HELZ2: variants seen among roughly 807,000 people sequenced by gnomAD.
The protein encoded by HELZ2 is 3'-5' exoribonuclease HELZ2.
A neutral mutation model predicts 208.8 loss-of-function variants in HELZ2; 143 were observed. The observed-to-expected ratio is 0.68, with a 90% confidence interval of 0.60 to 0.79. HELZ2 has a LOEUF of 0.79. HELZ2 is among the 30% of genes least tolerant of loss of function. HELZ2 has a pLI of 0.00. For missense variants in HELZ2, 3,690 were observed against 3,794.5 expected (o/e 0.97, Z 0.72); for synonymous variants, 1,705 against 1,693.7 (o/e 1.01, Z -0.16).
exon 8 of HELZ2, chr20:63,562,713 G>T: frequency 1.2e-6 from 2 of 1,601,160 alleles, no homozygotes; most frequent in Non-Finnish European, 8.5e-7. Flanking sequence ...TACGTGCCGG[G>T]GTCAACATTC....
rs759835133 is a variant in HELZ2, at chr20:63,565,094, C to A, written c.3728G>T (p.Arg1243Leu). 7 of 1,563,602 alleles carry A rather than the reference C, an allele frequency of 4.5e-6. No homozygotes were observed. In the African/African-American group the frequency reaches 8.1e-5, roughly 18 times the overall value. ...CCCCACACGCTGCAGCCGGCCCTTC[C>A]GGAGGCTGTAGATGGGGACCTGCGA... The change falls in exon 8 of 19, where the codon CGG (arginine) becomes CTG (leucine). Residue 1243 changes from arginine to leucine, a missense_variant. By Grantham distance (102) the Arg-to-Leu change is moderately radical. Transcript: ENST00000467148.
chr20:63,571,101 AG>A, intron 1 of HELZ2: 1 of 492,076 alleles, frequency 2.0e-6, no homozygotes, highest in Non-Finnish European at 3.6e-6. Flanking sequence ...GGTGGCAGGG[AG>A]GCCCCCGTCC....
At chr20:63,560,019 C>G in exon 18 of HELZ2, 2 of 1,612,150 alleles carry the variant, frequency 1.2e-6, no homozygotes, top group Non-Finnish European at 1.7e-6. Flanking sequence ...TGAGCCAGCT[C>G]TTGGTGGGCC....
At chr20:63,560,883 T>C in exon 15 of HELZ2, 1 of 1,613,204 alleles carries the variant, frequency 6.2e-7, no homozygotes. Context: ...CAGCCGCTCA[T>C]TCTTGACCAC....
exon 8 of HELZ2, chr20:63,563,479 G>A (rs1407912073): frequency 2.6e-6 from 4 of 1,516,224 alleles, no homozygotes; most frequent in Admixed American, 4.1e-5. Context: ...GGGCGTGGGG[G>A]TGCTCGGCCA....
rs1165675160 is a variant in HELZ2, at chr20:63,563,448, G to A, written c.5374C>T (p.Arg1792Trp). 7.2e-6 allele frequency: 11 copies of A among 1,527,382 alleles called. No individual in the cohort carries two copies. The highest frequency in any genetic ancestry group is 4.9e-5 in the East Asian group (2 of 40,812). The allele number at this position is 1,527,382 out of a possible 1,614,324, so 94.6% of individuals were successfully genotyped here. Residue 1792 changes from arginine (R) to tryptophan (W), a missense_variant, in exon 8 of 19, where the codon CGG becomes TGG. Physicochemically the swap from Arg to Trp is moderately radical, Grantham distance 101 (BLOSUM62 -3). Transcript: ENST00000467148. ...TAGACACGGCGCCGCCACAGGAGCC[G>A]CAGGCCCGGCCGGCCTGCCAGGGCG...
Position 63,563,129 on chromosome 20 carries a change from G to C in HELZ2, c.5693C>G (p.Pro1898Arg), listed in dbSNP as rs772767786. Residue 1898 changes from proline (P) to arginine (R), a missense_variant, in exon 8 of 19, where the codon CCG becomes CGG. Physicochemically the swap from Pro to Arg is moderately radical, Grantham distance 103 (BLOSUM62 -2). This residue lies in a region of HELZ2 where 2,564 missense variants were observed against 2,580.5 expected (regional missense o/e 0.99). Coordinates refer to ENST00000467148, the Ensembl canonical transcript of HELZ2. ...TGCCACCGTCCAGAGCTGAGGGCTC[G>C]GTACCAGGAAGCCGTGCTGCAGGCT... is the stretch of plus-strand genomic sequence containing the variant. The C allele has an allele frequency of 6.9e-6, 11 of 1,596,112 alleles. No individual in the cohort carries two copies. In the Admixed American group the frequency reaches 1.6e-4, roughly 23 times the overall value.
At chr20:63,572,548 G>A (rs1270354153), upstream of HELZ2, 3 of 729,866 alleles carry the variant, frequency 4.1e-6, no homozygotes, top group South Asian at 1.9e-5. Flanking sequence ...CGTGGGCCAG[G>A]AGGGAGGGGC....
intron 6 of HELZ2, 96 bp from the exon 8 acceptor site, chr20:63,566,549 AGCGCAGG>A (rs2082960015): frequency 2.6e-6 from 2 of 775,398 alleles, no homozygotes; most frequent in African/African-American, 3.7e-5. Flanking sequence ...CTCGGGGATG[AGCGCAGG>A]ACGCAGTGAG....
chr20:63,568,061 T>C (rs1403726878), intron 5 of HELZ2: 1 of 543,218 alleles, frequency 1.8e-6, no homozygotes, highest in Non-Finnish European at 3.2e-6. Flanking sequence ...TGTGTTTCTA[T>C]AAAAACGAAA....
exon 4 of HELZ2, chr20:63,569,296 G>A (rs1224756294): frequency 1.3e-6 from 2 of 1,575,496 alleles, no homozygotes; most frequent in African/African-American, 1.4e-5. Context: ...TTGGCCATCA[G>A]GGCCGTCTGC....
Position 63,569,101 on chromosome 20 carries a change from C to T in HELZ2, c.1088+47G>A, listed in dbSNP as rs766644460. On this transcript the variant is annotated intron_variant, in intron 4 of 18. Coordinates refer to ENST00000467148, the Ensembl canonical transcript of HELZ2. Reference sequence around the variant, plus strand: ...CCGTTGCCCCAGCCGCTCCCATTGCCCCAGCTGCTCCTGCTACCCCAGCTG... The same window carrying T: ...CCGTTGCCCCAGCCGCTCCCATTGCTCCAGCTGCTCCTGCTACCCCAGCTG... The T allele has an allele frequency of 5.1e-6, 8 of 1,580,448 alleles. No individual in the cohort carries two copies. The Admixed American group carries it at 5.7e-5, about 11-fold the overall frequency.
exon 8 of HELZ2, chr20:63,563,705 A>G (rs746392546): frequency 1.3e-6 from 2 of 1,587,966 alleles, no homozygotes; most frequent in Admixed American, 3.4e-5. Context: ...GGCCTGGCAG[A>G]GCCCATCGAT....
chr20:63,560,252 C>T (rs573248815), exon 17 of HELZ2: 8 of 1,560,820 alleles, frequency 5.1e-6, no homozygotes, highest in Admixed American at 1.9e-5. Context: ...GAGGCCTGCG[C>T]GTTGTAGGGC....
chr20:63,566,396 T>C lies in HELZ2; in HGVS notation c.2572A>G (p.Ser858Gly), dbSNP rs2082957418. Residue 858 changes from serine to glycine, a missense_variant, in exon 7 of 19, where the codon AGT (serine) becomes GGT (glycine). Physicochemically the swap from Ser to Gly is moderately conservative, Grantham distance 56 (BLOSUM62 0). This residue lies in a region of HELZ2 where 2,564 missense variants were observed against 2,580.5 expected (regional missense o/e 0.99). Coordinates refer to ENST00000467148, the Ensembl canonical transcript of HELZ2. ...CACCCACCTGGCAGGATCTCAAAAC[T>C]GCCGACAGACACCTGGCCTAGGTCC... 5.8e-6 allele frequency: 9 copies of C among 1,548,312 alleles called. No homozygotes were observed. In the East Asian group the frequency reaches 2.2e-4, roughly 38 times the overall value.
Position 63,570,875 on chromosome 20 carries a change from GA to G in HELZ2, c.279-8del. On this transcript the variant is annotated splice_region_variant and splice_polypyrimidine_tract_variant and intron_variant, in intron 1 of 18. Transcript: ENST00000467148. ...ATACTCACAGAGGTCAGGCCTGGGGGACAGGGAGGTCAGCAGGGCTACACAG... is the reference window on the plus strand; with the variant it reads ...ATACTCACAGAGGTCAGGCCTGGGGGCAGGGAGGTCAGCAGGGCTACACAG... 6.3e-7 allele frequency: 1 copy of G among 1,579,192 alleles called. No homozygotes were observed. The highest frequency in any genetic ancestry group is 8.6e-7 in the Non-Finnish European group (1 of 1,158,888).
chr20:63,561,406 C>G, exon 13 of HELZ2: 1 of 1,612,966 alleles, frequency 6.2e-7, no homozygotes, highest in South Asian at 1.1e-5. Context: ...TGTCAAAGGC[C>G]TTGATTTCCG....
exon 4 of HELZ2, chr20:63,569,660 G>A (rs746891133): frequency 1.3e-6 from 2 of 1,528,868 alleles, no homozygotes; most frequent in Non-Finnish European, 8.8e-7. Context: ...CGTGTAGCAG[G>A]GGCTCCTGGA....
chr20:63,561,080 A>G lies in HELZ2; in HGVS notation c.7146+2T>C. 1.9e-6 allele frequency: 3 copies of G among 1,608,794 alleles called. No individual in the cohort carries two copies. Among genetic ancestry groups the G allele is most frequent in the Non-Finnish European group, 2.5e-6 (3 of 1,177,108 alleles). On this transcript the variant is annotated splice_donor_variant, in intron 14 of 18. Coordinates refer to ENST00000467148, the Ensembl canonical transcript of HELZ2. LOFTEE classifies it high-confidence loss of function. ...TGCTGCCCACACCCCCCGCCGACCA[A>G]CCTTCTCGGCCTGTGGGAACTGCAC...
Sources: allele counts gnomAD v4.1 joint callset, GRCh38; gene constraint gnomAD v4.1.1; regional missense constraint gnomAD v4.1.1; transcripts MANE v1.5; gene names NCBI Gene and HGNC (gene_info 2026-07-23, HGNC 2026-07-21).